NPLOC4: variants seen among roughly 807,000 people sequenced by gnomAD.
The protein encoded by NPLOC4 is nuclear protein localization protein 4 homolog.
NPLOC4 carries 18 observed loss-of-function variants against 80.6 expected under a neutral mutation model. The observed-to-expected ratio is 0.22, with a 90% confidence interval of 0.15 to 0.33. The LOEUF is 0.33. NPLOC4 is among the 10% of genes least tolerant of loss of function. The pLI is 1.00. For synonymous variants in NPLOC4, 313 were observed against 301.5 expected (o/e 1.04, Z -0.39); for missense variants, 540 against 786.1 (o/e 0.69, Z 3.74).
intron 2 of NPLOC4, among the ~76,000 whole-genome samples, chr17:81,625,885 A>C (rs1436208258): frequency 6.6e-6 from 1 of 152,118 alleles, no homozygotes; most frequent in Non-Finnish European, 1.5e-5. Flanking sequence ...GCGGAGGTTC[A>C]AGCCTGTAAT....
At chr17:81,610,454 G>A (rs1273073631) in intron 4 of NPLOC4, among the ~76,000 whole-genome samples, 196 bp from the exon 5 acceptor site, 1 of 151,914 alleles carries the variant, frequency 6.6e-6, no homozygotes, top group Non-Finnish European at 1.5e-5. Flanking sequence ...TCACTCTATC[G>A]CCCAGGCTGG....
intron 3 of NPLOC4, among the ~76,000 whole-genome samples, chr17:81,614,588 G>A (rs1425089245): frequency 2.9e-5 from 1 of 34,404 alleles, no homozygotes; most frequent in African/African-American, 2.1e-4. Flanking sequence ...TGTCTCTGAA[G>A]CTACTGACGT....
At chr17:81,587,961 C>T (rs1297213794) in intron 12 of NPLOC4, 2 of 152,080 alleles carry the variant, frequency 1.3e-5, no homozygotes, top group East Asian at 1.9e-4. Context: ...AGGCATGAGC[C>T]GCCGCGCCCG....
chr17:81,560,805 G>T (rs752168441), intron 16 of NPLOC4: 1 of 152,194 alleles, frequency 6.6e-6, no homozygotes, highest in African/African-American at 2.4e-5. Context: ...CGCGAGGGTG[G>T]CACGGTTTTG....
At chr17:81,605,294 AAATAAT>A (rs371762798) in intron 7 of NPLOC4, among the ~76,000 whole-genome samples, 1 of 47,140 alleles carries the variant, frequency 2.1e-5, no homozygotes, top group Non-Finnish European at 7.2e-5. Context: ...AAAAAAAAAT[AAATAAT>A]AATAATAATA....
chr17:81,600,241 AG>A (rs1408173816), intron 9 of NPLOC4, 99 bp downstream of exon 9: 1 of 777,480 alleles, frequency 1.3e-6, no homozygotes, highest in African/African-American at 1.7e-5. Flanking sequence ...GGAGAGAGCC[AG>A]TACCCGACAC....
At chr17:81,597,783 C>CAAAA (rs533038308) in intron 9 of NPLOC4, among the ~76,000 whole-genome samples, 5 of 86,792 alleles carry the variant, frequency 5.8e-5, no homozygotes, top group African/African-American at 8.8e-5. Flanking sequence ...AACTCCATCT[C>CAAAA]AAAAAAAAAA....
At chr17:81,632,637 T>C (rs1485509474) in intron 1 of NPLOC4, among the ~76,000 whole-genome samples, 1 of 152,084 alleles carries the variant, frequency 6.6e-6, no homozygotes, top group Non-Finnish European at 1.5e-5. Context: ...TTTTCATAAA[T>C]TCTATAACTA....
rs570435129 is a variant in NPLOC4 at position 81,583,024 on chromosome 17, G to GC, written c.1281+5919dup. ...CACAACTGAGCGCCCATGTGCGCCAGCACAGCAGCCACTGCCACGTGACGC... is the reference window on the plus strand; with the variant it reads ...CACAACTGAGCGCCCATGTGCGCCAGCCACAGCAGCCACTGCCACGTGACGC... On this transcript the variant is annotated intron_variant, in intron 12 of 16. Coordinates refer to ENST00000331134, the MANE Select transcript of NPLOC4 (RefSeq NM_017921.4). 1.1e-4 allele frequency among the ~76,000 whole-genome samples: 17 copies of GC among 152,398 alleles called. No individual in the cohort carries two copies. In the South Asian group the frequency reaches 3.5e-3, roughly 32 times the overall value.
chr17:81,591,447 G>GAAAAAAAAA lies in NPLOC4; in HGVS notation c.1121-2352_1121-2344dup, dbSNP rs71367067. 1.6e-3 allele frequency among the ~76,000 whole-genome samples: 125 copies of GAAAAAAAAA among 76,278 alleles called. 4 individuals are homozygous for GAAAAAAAAA. The highest frequency in any genetic ancestry group is 4.7e-3 in the East Asian group (10 of 2,140). 50.0% of individuals were successfully genotyped at this position (76,278 alleles called of 152,430 possible). On this transcript the variant is annotated intron_variant, in intron 11 of 16. Coordinates refer to ENST00000331134, the MANE Select transcript of NPLOC4 (RefSeq NM_017921.4). ...AAGACTCCATCTCTGGAGTAAAACAGAAAAAAAAAAAAAAAAAAAAAAAAA... is the reference window on the plus strand; with the variant it reads ...AAGACTCCATCTCTGGAGTAAAACAGAAAAAAAAAAAAAAAAAAAAAAAAAAAAAAAAAA...
chr17:81,568,860 C>T (rs924548624), intron 14 of NPLOC4, among the ~76,000 whole-genome samples, 156 bp downstream of exon 14: 1 of 152,234 alleles, frequency 6.6e-6, no homozygotes, highest in Admixed American at 6.5e-5. Context: ...AGGGCGTCCA[C>T]GTGACCAGCA....
chr17:81,626,723 G>A (rs374097896), intron 2 of NPLOC4, among the ~76,000 whole-genome samples: 97 of 152,150 alleles, frequency 6.4e-4, no homozygotes, highest in Middle Eastern at 3.4e-3. Context: ...GTTTGAGCCC[G>A]GGAAGTCAAG....
chr17:81,625,868 G>A (rs901528830), intron 2 of NPLOC4, among the ~76,000 whole-genome samples: 1 of 152,100 alleles, frequency 6.6e-6, no homozygotes, highest in African/African-American at 2.4e-5. Flanking sequence ...AAAAATGAGG[G>A]TTGGGCGCGG....
intron 1 of NPLOC4, among the ~76,000 whole-genome samples, chr17:81,635,687 G>A (rs904140999): frequency 6.6e-6 from 1 of 152,158 alleles, no homozygotes; most frequent in Non-Finnish European, 1.5e-5. Flanking sequence ...GATTACAGGT[G>A]TGAGTCACCG....
chr17:81,626,540 C>T (rs902217998), intron 2 of NPLOC4, among the ~76,000 whole-genome samples: 4 of 152,116 alleles, frequency 2.6e-5, no homozygotes, highest in African/African-American at 9.7e-5. Context: ...GGAACGACAG[C>T]TTCAAATGCT....
intron 16 of NPLOC4, 112 bp from the exon 17 acceptor site, chr17:81,559,528 C>T (rs1023847674): frequency 1.2e-4 from 147 of 1,218,042 alleles, no homozygotes; most frequent in Non-Finnish European, 1.6e-4. Context: ...CCCCAACATC[C>T]CACCCAGTGC....
intron 2 of NPLOC4, among the ~76,000 whole-genome samples, chr17:81,623,267 C>T (rs549185100): frequency 1.3e-5 from 2 of 150,248 alleles, no homozygotes; most frequent in South Asian, 4.2e-4. Flanking sequence ...GCCAGGAGTT[C>T]GACACCAGCC....
chr17:81,610,866 G>T lies in NPLOC4; in HGVS notation c.387-608C>A, dbSNP rs975052369. Among the ~76,000 whole-genome samples the T allele has an allele frequency of 3.0e-5, 2 of 65,604 alleles. 1 individual carries two copies. The highest frequency in any genetic ancestry group is 8.6e-5 in the Non-Finnish European group (2 of 23,180). The allele number at this position is 65,604 out of a possible 152,430, so 43.0% of individuals were successfully genotyped here. A position where few individuals can be genotyped will look rare whatever the true frequency, so the allele number is the denominator to read the frequency against. ...ACTCGGGAGGCTGAGGCAGGAGAAT[G>T]GCGTGAACCCGGGAAGCGGAGCTTG... is the stretch of plus-strand genomic sequence containing the variant. On this transcript the variant is annotated intron_variant, in intron 4 of 16. Transcript: ENST00000331134.
chr17:81,632,928 A>G (rs1161649096), intron 1 of NPLOC4, among the ~76,000 whole-genome samples: 1 of 152,134 alleles, frequency 6.6e-6, no homozygotes, highest in African/African-American at 2.4e-5. Context: ...CAGGAGATTG[A>G]GACCATCCTG....
Sources: allele counts gnomAD v4.1 joint callset (sites outside exome capture counted in the v4.1 genomes callset), GRCh38; gene constraint gnomAD v4.1.1; transcripts MANE v1.5; gene names NCBI Gene and HGNC (gene_info 2026-07-23, HGNC 2026-07-21).